RBM20: variants seen among roughly 807,000 people sequenced by gnomAD.
RBM20 encodes RNA binding motif protein 20.
RBM20 carries 51 observed loss-of-function variants against 110.1 expected under a neutral mutation model. The observed-to-expected ratio is 0.46, with a 90% CI of 0.37 to 0.59. RBM20 has a LOEUF of 0.59. Ranked by LOEUF, RBM20 falls within the 20% of genes least tolerant of loss-of-function variation. The pLI, the probability that RBM20 is intolerant of heterozygous loss-of-function variation, is 0.00. For missense variants in RBM20, 1,512 were observed against 1,574.9 expected, an observed-to-expected ratio of 0.96 and a Z score of 0.68; for synonymous variants, 589 against 618.2, an observed-to-expected ratio of 0.95 and a Z score of 0.70.
intron 1 of RBM20, among the ~76,000 whole-genome samples, chr10:110,647,379 T>C (rs1459632404): frequency 2.0e-5 from 3 of 152,220 alleles, no homozygotes; most frequent in African/African-American, 7.2e-5. Context: ...TATTTTTAGC[T>C]TCCATTAAGA....
At chr10:110,736,122 A>G (rs1230169213) in intron 1 of RBM20, among the ~76,000 whole-genome samples, 2 of 152,254 alleles carry the variant, frequency 1.3e-5, no homozygotes, top group Non-Finnish European at 2.9e-5. Context: ...AGCAAATCTC[A>G]AATAACATGT....
At chr10:110,710,136 A>G (rs974002333) in intron 1 of RBM20, among the ~76,000 whole-genome samples, 2 of 152,160 alleles carry the variant, frequency 1.3e-5, no homozygotes, top group African/African-American at 4.8e-5. Flanking sequence ...ATGCTATTTG[A>G]TCCTTAGTGT....
intron 13 of RBM20, 44 bp downstream of exon 13, chr10:110,831,226 G>T: frequency 6.5e-7 from 1 of 1,542,346 alleles, no homozygotes. Context: ...GGGCTCCCCA[G>T]TCTCCATAAC....
chr10:110,687,099 G>C (rs569590320), intron 1 of RBM20, among the ~76,000 whole-genome samples: 79 of 151,644 alleles, frequency 5.2e-4, no homozygotes, highest in African/African-American at 1.8e-3. Flanking sequence ...TGCTTTTCTA[G>C]TACTGTCCCA....
intron 1 of RBM20, among the ~76,000 whole-genome samples, chr10:110,744,511 C>T (rs1445457503): frequency 6.6e-6 from 1 of 152,216 alleles, no homozygotes; most frequent in African/African-American, 2.4e-5. Context: ...CCTGCACCAG[C>T]AGCAATATCC....
intron 1 of RBM20, among the ~76,000 whole-genome samples, chr10:110,777,666 ACCTGCAAATACCCAGCATGGCTGG>A (rs1844285350): frequency 6.6e-6 from 1 of 152,236 alleles, no homozygotes; most frequent in Non-Finnish European, 1.5e-5. Flanking sequence ...CCCATGGCTG[ACCTGCAAATACCCAGCATGGCTGG>A]CTTTCCTAGT....
chr10:110,752,540 G>A (rs1843866564), intron 1 of RBM20, among the ~76,000 whole-genome samples: 1 of 152,292 alleles, frequency 6.6e-6, no homozygotes, highest in East Asian at 1.9e-4. Flanking sequence ...CACATGTATG[G>A]ATTTTTGATC....
In RBM20 at chr10:110,662,064, T is replaced by A. The variant is rs1439845646; in HGVS notation, c.191+17419T>A. On this transcript the variant is annotated intron_variant, in intron 1 of 13. Transcript: ENST00000369519. ...GTGGCAGAGTCTATATGCTGTCTAA[T>A]CCCAGCTGCTGGGAGGACGCTCAAG... Among the ~76,000 whole-genome samples the A allele has an allele frequency of 3.3e-5, 5 of 151,794 alleles. No homozygotes were observed. In the South Asian group the frequency reaches 8.3e-4, roughly 25 times the overall value.
At chr10:110,719,905 T>C (rs917912137) in intron 1 of RBM20, among the ~76,000 whole-genome samples, 2 of 152,072 alleles carry the variant, frequency 1.3e-5, no homozygotes, top group African/African-American at 4.8e-5. Flanking sequence ...TAAATAAACA[T>C]TTATTTTTAA....
At position 110,839,248 on chromosome 10, in the gene RBM20, G is replaced by C. The variant is rs567612782; in HGVS notation, c.*3270G>C. ...CTTGGACAGTCCGAGGCTGTGACCT[G>C]TTAGATAATTAGATTATACTTGAAC... On this transcript the variant is annotated 3_prime_UTR_variant, in exon 14 of 14. Transcript: ENST00000369519. The C allele has an allele frequency of 5.3e-5, 8 of 152,268 alleles. 2 individuals carry two copies. Among genetic ancestry groups the C allele is most frequent in the African/African-American group, 1.9e-4 (8 of 41,550 alleles). 9.4% of individuals were successfully genotyped at this position (152,268 alleles called of 1,614,324 possible). A position where few individuals can be genotyped will look rare whatever the true frequency, so the allele number is the denominator to read the frequency against.
At chr10:110,702,484 T>C (rs1432419447) in intron 1 of RBM20, among the ~76,000 whole-genome samples, 2 of 152,180 alleles carry the variant, frequency 1.3e-5, no homozygotes, top group Non-Finnish European at 2.9e-5. Context: ...TGTAATGGGC[T>C]CGGATGGCGA....
chr10:110,658,451 A>G (rs568099700), intron 1 of RBM20, among the ~76,000 whole-genome samples: 47 of 152,346 alleles, frequency 3.1e-4, no homozygotes, highest in African/African-American at 1.1e-3. Context: ...AACTAGGAGT[A>G]GCTCAGGGTC....
Position 110,783,361 on chromosome 10 carries a change from C to A in RBM20, c.1276-5C>A. On this transcript the variant is annotated splice_polypyrimidine_tract_variant and splice_region_variant and intron_variant, in intron 2 of 13. Coordinates refer to ENST00000369519, the MANE Select transcript of RBM20 (RefSeq NM_001134363.3). ...TTTGGTCACTTTTCTTTCCTTCTGA[C>A]CTAGGACTGGGAGCTGCATGTGAAA... 6.5e-7 allele frequency: 1 copy of A among 1,550,374 alleles called. No homozygotes were observed. The highest frequency in any genetic ancestry group is 8.7e-7 in the Non-Finnish European group (1 of 1,146,006).
chr10:110,812,890 T>A lies in RBM20; in HGVS notation c.2493T>A (p.Thr831=). The change falls in exon 9 of 14, where the codon ACT becomes ACA. Residue 831 remains threonine, a synonymous_variant. Coordinates refer to ENST00000369519, the MANE Select transcript of RBM20 (RefSeq NM_001134363.3). ...KQNEKNKTKR[T]DRDQEGADDR... Reference sequence around the variant, plus strand: ...ATGAGAAAAATAAAACCAAGAGAACTGATAGAGACCAAGAAGGAGCTGATG... The same window carrying A: ...ATGAGAAAAATAAAACCAAGAGAACAGATAGAGACCAAGAAGGAGCTGATG... The A allele has an allele frequency of 3.4e-6, 5 of 1,464,430 alleles. No homozygotes were observed. In the South Asian group the frequency reaches 7.4e-5, roughly 22 times the overall value. The allele number at this position is 1,464,430 out of a possible 1,614,324, so 90.7% of individuals were successfully genotyped here.
At chr10:110,717,008 G>A (rs1863029705) in intron 1 of RBM20, among the ~76,000 whole-genome samples, 1 of 152,108 alleles carries the variant, frequency 6.6e-6, no homozygotes, top group Non-Finnish European at 1.5e-5. Context: ...TTAAACATCG[G>A]TTGATTGAGT....
rs1002840821 is a variant in RBM20 at position 110,694,907 on chromosome 10, G to A, written c.191+50262G>A. The stretch of plus-strand genomic sequence containing the variant: ...CAAATTTAGGAAAGAATTGGAGTAA[G>A]TCAGGCTAGTGGCCTCCTATAGCAA... On this transcript the variant is annotated intron_variant, in intron 1 of 13. Transcript: ENST00000369519. Among the ~76,000 whole-genome samples the A allele has an allele frequency of 2.0e-5, 3 of 152,166 alleles. No individual in the cohort carries two copies. In the East Asian group the frequency reaches 5.8e-4, roughly 29 times the overall value.
chr10:110,797,658 G>A lies in RBM20; in HGVS notation c.1668+10G>A. Reference sequence around the variant, plus strand: ...GAAGTCGACTAATCAGGTAGGTCTGGGTACTTTCACTCCAGTGTATATGCC... The same window carrying A: ...GAAGTCGACTAATCAGGTAGGTCTGAGTACTTTCACTCCAGTGTATATGCC... On this transcript the variant is annotated intron_variant, in intron 6 of 13. Transcript: ENST00000369519. 1 of 1,551,472 alleles carries A rather than the reference G, an allele frequency of 6.4e-7. No homozygotes were observed. The highest frequency in any genetic ancestry group is 8.7e-7 in the Non-Finnish European group (1 of 1,146,784).
chr10:110,681,884 C>CT (rs375587549), intron 1 of RBM20, among the ~76,000 whole-genome samples: 1,473 of 147,266 alleles, frequency 0.01, 26 homozygotes, highest in African/African-American at 0.035. Flanking sequence ...TTCTTTTCTG[C>CT]TTTTTTTTTT....
chr10:110,699,690 G>T lies in RBM20; in HGVS notation c.191+55045G>T, dbSNP rs192588920. Among the ~76,000 whole-genome samples the T allele has an allele frequency of 2.0e-3, 299 of 152,188 alleles. 1 individual carries two copies. Among genetic ancestry groups the T allele is most frequent in the African/African-American group, 6.7e-3 (278 of 41,514 alleles). ...CGGTGGTCCCCCCTTATCCATGGAG[G>T]ATATGTTCCAAGACCCTCAGTGGAT... On this transcript the variant is annotated intron_variant, in intron 1 of 13. Transcript: ENST00000369519.
Sources: gnomAD v4.1 joint callset for allele counts (sites outside exome capture counted in the v4.1 genomes callset) on GRCh38, gnomAD v4.1.1 for gene constraint, MANE v1.5 for transcripts, NCBI Gene and HGNC (gene_info 2026-07-23, HGNC 2026-07-21) for gene names.